GAB4: variants seen among roughly 807,000 people sequenced by gnomAD.
GAB4 encodes the protein GRB2-associated-binding protein 4.
Under a neutral mutation model 51.3 loss-of-function variants are expected in GAB4, and 26 were observed. The observed-to-expected ratio is 0.51, with a 90% CI of 0.37 to 0.70. The LOEUF is 0.70. GAB4 is among the 30% of genes least tolerant of loss of function. GAB4 has a pLI of 0.00. For missense variants in GAB4, 759 were observed against 734.6 expected (o/e 1.03, Z -0.38); for synonymous variants, 329 against 291.2 (o/e 1.13, Z -1.32).
At position 16,962,849 on chromosome 22, in the gene GAB4, T is replaced by C. The variant is rs770624257; in HGVS notation, c.1609A>G (p.Lys537Glu). Residue 537 changes from lysine to glutamate, a missense_variant, in exon 10 of 10, where the codon AAG becomes GAG. By Grantham distance (56) the Lys-to-Glu change is moderately conservative (BLOSUM62 1). Around this residue, in one of 3 missense-constraint regions of GAB4, gnomAD observed 588 missense variants for 510.2 expected, o/e 1.15. Transcript: ENST00000400588. ...TCCACCTGGACATAGTCCACCTTCT[T>C]GCCGGACGTGACAGAGCCTATGGAT... Reference protein sequence around the residue: ...KPSIGSVTSGKKVDYVQVDLE... With the variant: ...KPSIGSVTSGEKVDYVQVDLE... The C allele has an allele frequency of 2.9e-5, 46 of 1,613,290 alleles. No individual in the cohort carries two copies. Among genetic ancestry groups the C allele is most frequent in the Admixed American group, 1.0e-4 (6 of 59,982 alleles).
At chr22:16,974,985 T>C (rs1273696308) in intron 3 of GAB4, among the ~76,000 whole-genome samples, 10 of 152,184 alleles carry the variant, frequency 6.6e-5, no homozygotes, top group Non-Finnish European at 8.8e-5. Flanking sequence ...CTGGCCCAGA[T>C]ACACTTTTCC....
intron 3 of GAB4, among the ~76,000 whole-genome samples, chr22:16,984,155 C>T (rs964791383): frequency 6.6e-6 from 1 of 152,132 alleles, no homozygotes; most frequent in Non-Finnish European, 1.5e-5. Flanking sequence ...TCTGGATAGA[C>T]ATTTCTCCAA....
At chr22:16,998,129 C>A (rs564960953) in intron 1 of GAB4, among the ~76,000 whole-genome samples, 1 of 152,264 alleles carries the variant, frequency 6.6e-6, no homozygotes, top group Non-Finnish European at 1.5e-5. Flanking sequence ...AGCAATGCAG[C>A]TCTTTTTTGG....
intron 1 of GAB4, among the ~76,000 whole-genome samples, chr22:17,000,472 T>TC (rs1224805606): frequency 6.6e-6 from 1 of 152,208 alleles, no homozygotes; most frequent in Non-Finnish European, 1.5e-5. Flanking sequence ...CTGCTTTTTT[T>TC]TTGTTTTCTA....
At chr22:17,003,196 T>C (rs991922456) in intron 1 of GAB4, among the ~76,000 whole-genome samples, 1 of 152,168 alleles carries the variant, frequency 6.6e-6, no homozygotes, top group Non-Finnish European at 1.5e-5. Context: ...CTTAGTGACC[T>C]AGAAAGAGAC....
intron 1 of GAB4, among the ~76,000 whole-genome samples, chr22:16,994,756 C>T (rs1569108412): frequency 6.6e-6 from 1 of 152,154 alleles, no homozygotes; most frequent in Non-Finnish European, 1.5e-5. Flanking sequence ...TCATCTTTTA[C>T]AATCTGTATG....
Position 16,968,376 on chromosome 22 carries a change from G to T in GAB4, c.945C>A (p.Ser315=). ...CTCCACCATGCTGGGTGTACTTGCC[G>T]GAGGAAGCTACGACAGAGGAAGGAG... The part of the protein sequence containing the change: ...TGSEADNEAS[S]GKYTQHGGGN... Residue 315 remains serine (S), a synonymous_variant, in exon 5 of 10, where the codon TCC becomes TCA. Transcript: ENST00000400588. 1.2e-6 allele frequency: 2 copies of T among 1,613,480 alleles called. No individual in the cohort carries two copies. The highest frequency in any genetic ancestry group is 1.7e-6 in the Non-Finnish European group (2 of 1,179,414).
chr22:16,976,917 A>G (rs539470121), intron 3 of GAB4, among the ~76,000 whole-genome samples: 1 of 152,372 alleles, frequency 6.6e-6, no homozygotes, highest in South Asian at 2.1e-4. Flanking sequence ...ATCCAGCCAA[A>G]CAAAGCTTCG....
At chr22:16,996,734 CAT>C (rs1475783934) in intron 1 of GAB4, among the ~76,000 whole-genome samples, 1 of 152,072 alleles carries the variant, frequency 6.6e-6, no homozygotes, top group Non-Finnish European at 1.5e-5. Context: ...CATATGTAAA[CAT>C]GTGCCATGTT....
Position 16,963,777 on chromosome 22 carries a change from G to T in GAB4, c.1529C>A (p.Pro510Gln), listed in dbSNP as rs199551459. ...VSGGTSSSAPPRSTGNIHYAA... is the reference protein window; with the variant it reads ...VSGGTSSSAPQRSTGNIHYAA... ...GTAGTGGATGTTACCAGTGCTCCTCGGCGGGGCTGAACTGCTGGTGCCACC... is the reference window on the plus strand; with the variant it reads ...GTAGTGGATGTTACCAGTGCTCCTCTGCGGGGCTGAACTGCTGGTGCCACC... The change falls in exon 9 of 10, where the codon CCG (proline) becomes CAG (glutamine). Residue 510 changes from proline (P) to glutamine (Q), a missense_variant. Transcript: ENST00000400588. 2 of 1,613,934 alleles carry T rather than the reference G, an allele frequency of 1.2e-6. No homozygotes were observed. The highest frequency in any genetic ancestry group is 1.7e-6 in the Non-Finnish European group (2 of 1,179,982).
At chr22:16,963,567 C>T (rs2060646584) in intron 9 of GAB4, among the ~76,000 whole-genome samples, 158 bp downstream of exon 9, 2 of 152,086 alleles carry the variant, frequency 1.3e-5, no homozygotes, top group African/African-American at 4.8e-5. Flanking sequence ...ACAGGAGCCC[C>T]GAGATCCAGA....
At chr22:17,001,934 G>A (rs1030820125) in intron 1 of GAB4, among the ~76,000 whole-genome samples, 1 of 152,220 alleles carries the variant, frequency 6.6e-6, no homozygotes, top group African/African-American at 2.4e-5. Context: ...CAGTGAGCGA[G>A]ACTCCATGGG....
At chr22:16,994,124 A>G (rs5994123) in intron 1 of GAB4, among the ~76,000 whole-genome samples, 3,152 of 152,162 alleles carry the variant, frequency 0.021, 129 homozygotes, top group African/African-American at 0.072. Flanking sequence ...CAGTTTTTCT[A>G]CCCTCTTTAC....
At chr22:16,986,213 T>C (rs955072154) in intron 3 of GAB4, among the ~76,000 whole-genome samples, 2 of 152,218 alleles carry the variant, frequency 1.3e-5, no homozygotes, top group Non-Finnish European at 2.9e-5. Context: ...TGCACTGGTA[T>C]CCTCAGTCTG....
At chr22:16,969,774 A>C in intron 4 of GAB4, 169 bp downstream of exon 4, 43 of 780,814 alleles carry the variant, frequency 5.5e-5, no homozygotes, top group Middle Eastern at 3.4e-4. Flanking sequence ...AAGGGAGGCT[A>C]TGGGCCCAGG....
intron 1 of GAB4, among the ~76,000 whole-genome samples, chr22:16,999,683 CTTTGGAATGTGT>C (rs2060980148): frequency 6.6e-6 from 1 of 152,184 alleles, no homozygotes; most frequent in Non-Finnish European, 1.5e-5. Context: ...CTTCTGCTAG[CTTTGGAATGTGT>C]TTGCTCTTGC....
chr22:16,970,579 C>T (rs1027305664), intron 3 of GAB4, among the ~76,000 whole-genome samples: 7 of 152,164 alleles, frequency 4.6e-5, no homozygotes, highest in Admixed American at 4.6e-4. Context: ...ACACTGGCTA[C>T]TGGTTCCCTG....
chr22:16,965,025 A>G lies in GAB4; in HGVS notation c.1379+153T>C, dbSNP rs1348897680. Reference sequence around the variant, plus strand: ...GATCATTATTCCCCCTTTACAGATGAGAAGGCCGTCACGCCTCATGAGACG... The same window carrying G: ...GATCATTATTCCCCCTTTACAGATGGGAAGGCCGTCACGCCTCATGAGACG... On this transcript the variant is annotated intron_variant, in intron 7 of 9. Coordinates refer to ENST00000400588, the MANE Select transcript of GAB4 (RefSeq NM_001037814.1). 3.9e-5 allele frequency among the ~76,000 whole-genome samples: 6 copies of G among 152,152 alleles called. No homozygotes were observed. The East Asian group carries it at 1.2e-3, about 29-fold the overall frequency.
intron 3 of GAB4, among the ~76,000 whole-genome samples, chr22:16,981,618 G>C (rs567127098): frequency 6.6e-6 from 1 of 152,234 alleles, no homozygotes; most frequent in Admixed American, 6.5e-5. Flanking sequence ...TCACAAGATA[G>C]ACACAGTAAT....
Sources: allele counts gnomAD v4.1 joint callset (sites outside exome capture counted in the v4.1 genomes callset), GRCh38; gene constraint gnomAD v4.1.1; regional missense constraint gnomAD v4.1.1; transcripts MANE v1.5; gene names NCBI Gene and HGNC (gene_info 2026-07-23, HGNC 2026-07-21).